The following PTPRF variants were observed in gnomAD, a reference collection of about 807,000 sequenced individuals.
PTPRF encodes the protein receptor-type tyrosine-protein phosphatase F.
A neutral mutation model predicts 201.8 loss-of-function variants in PTPRF; 59 were observed. That is an observed-to-expected ratio of 0.29 (90% CI 0.24 to 0.36). The LOEUF (loss-of-function observed/expected upper bound fraction) is 0.36, where lower values mean the gene tolerates loss of function less well. Ranked by LOEUF, PTPRF falls within the 10% of genes least tolerant of loss-of-function variation. The pLI is 1.00. For missense variants in PTPRF, 2,132 were observed against 2,690.5 expected, an observed-to-expected ratio of 0.79 and a Z score of 4.59; for synonymous variants, 1,088 against 1,089.7, an observed-to-expected ratio of 1.00 and a Z score of 0.03.
chr1:43,576,572 G>T (rs935141820), intron 6 of PTPRF, among the ~76,000 whole-genome samples: 2 of 152,240 alleles, frequency 1.3e-5, no homozygotes, highest in Non-Finnish European at 2.9e-5. Context: ...TGCAGCCTAA[G>T]AGTTAAAAGC....
Position 43,591,968 on chromosome 1 carries a change from G to C in PTPRF, c.1668+20G>C. 1 of 1,612,224 alleles carries C rather than the reference G, an allele frequency of 6.2e-7. No homozygotes were observed. The highest frequency in any genetic ancestry group is 8.5e-7 in the Non-Finnish European group (1 of 1,178,874). ...CAACAGGTGTGCAGCGGGCAGAGAAGCACTGAGGGGGTCTCCTGGTCCCTG... is the reference window on the plus strand; with the variant it reads ...CAACAGGTGTGCAGCGGGCAGAGAACCACTGAGGGGGTCTCCTGGTCCCTG... On this transcript the variant is annotated intron_variant, in intron 10 of 33. Coordinates refer to ENST00000359947, the MANE Select transcript of PTPRF (RefSeq NM_002840.5).
At chr1:43,598,188 T>G in intron 12 of PTPRF, 135 bp downstream of exon 12, 1 of 940,140 alleles carries the variant, frequency 1.1e-6, no homozygotes, top group South Asian at 2.3e-5. Context: ...TGGCCTAAAG[T>G]GGGGGGATGT....
At chr1:43,594,688 G>A (rs1651811760) in intron 11 of PTPRF, among the ~76,000 whole-genome samples, 1 of 151,988 alleles carries the variant, frequency 6.6e-6, no homozygotes. Flanking sequence ...GGAGGGAAGT[G>A]GAGGTGAATC....
upstream of PTPRF, among the ~76,000 whole-genome samples, chr1:43,529,006 T>C (rs762358810): frequency 2.4e-4 from 37 of 152,100 alleles, no homozygotes; most frequent in South Asian, 4.2e-4. Context: ...GGTGGGCCAA[T>C]GAAGCCAAGG....
At position 43,622,082 on chromosome 1, in the gene PTPRF, C is replaced by A. The variant is rs890961261; in HGVS notation, c.*79C>A. On this transcript the variant is annotated 3_prime_UTR_variant, in exon 34 of 34. Coordinates refer to ENST00000359947, the MANE Select transcript of PTPRF (RefSeq NM_002840.5). ...AGCTCCTCTGAGCCATACCGACCAT[C>A]GTCCAGCCCTCCTACGCAGATGCTG... 1.4e-6 allele frequency: 2 copies of A among 1,456,750 alleles called. No homozygotes were observed. The highest frequency in any genetic ancestry group is 1.9e-6 in the Non-Finnish European group (2 of 1,041,196). 90.2% of individuals were successfully genotyped at this position (1,456,750 alleles called of 1,614,324 possible). A position where few individuals can be genotyped will look rare whatever the true frequency, so the allele number is the denominator to read the frequency against.
At chr1:43,558,701 G>A (rs1028974872) in intron 5 of PTPRF, among the ~76,000 whole-genome samples, 8 of 152,188 alleles carry the variant, frequency 5.3e-5, no homozygotes, top group Non-Finnish European at 1.0e-4. Flanking sequence ...CAACCCGCCC[G>A]CTGCCGCCAC....
chr1:43,555,776 T>A (rs893293031), intron 5 of PTPRF, among the ~76,000 whole-genome samples: 9 of 152,214 alleles, frequency 5.9e-5, no homozygotes, highest in Non-Finnish European at 1.3e-4. Flanking sequence ...ATGGGTAAGC[T>A]GTCACATGCA....
At chr1:43,532,296 T>C (rs1643645353) in intron 1 of PTPRF, among the ~76,000 whole-genome samples, 2 of 152,108 alleles carry the variant, frequency 1.3e-5, no homozygotes, top group Admixed American at 1.3e-4. Context: ...GGCCCCTGAG[T>C]TGGAGCAGGT....
At position 43,621,983 on chromosome 1, in the gene PTPRF, T is replaced by G; in HGVS notation, c.5704T>G (p.Phe1902Val). The G allele has an allele frequency of 6.2e-7, 1 of 1,614,130 alleles. No individual in the cohort carries two copies. The highest frequency in any genetic ancestry group is 1.1e-5 in the South Asian group (1 of 91,076). The change falls in exon 34 of 34, where the codon TTT becomes GTT. Residue 1902 changes from phenylalanine (F) to valine (V), a missense_variant. Around this residue, in one of 6 missense-constraint regions of PTPRF, gnomAD observed 519 missense variants for 659.5 expected, o/e 0.79. Coordinates refer to ENST00000359947, the MANE Select transcript of PTPRF (RefSeq NM_002840.5). ...YRAALEYLGS[F>V]DHYAT The stretch of plus-strand genomic sequence containing the variant: ...TGCGGCCCTGGAGTACCTCGGCAGC[T>G]TTGACCACTATGCAACGTAACTACC...
chr1:43,568,553 G>T (rs1294258704), intron 5 of PTPRF, among the ~76,000 whole-genome samples: 1 of 152,190 alleles, frequency 6.6e-6, no homozygotes, highest in Non-Finnish European at 1.5e-5. Flanking sequence ...TGAACCCTGT[G>T]TACAGATAAA....
chr1:43,605,421 G>A lies in PTPRF; in HGVS notation c.3367G>A (p.Val1123Met), dbSNP rs1052346675. The A allele has an allele frequency of 8.7e-6, 14 of 1,610,280 alleles. No individual in the cohort carries two copies. In the African/African-American group the frequency reaches 1.1e-4, roughly 12 times the overall value. The change falls in exon 18 of 34, where the codon GTG becomes ATG. Residue 1123 changes from valine (V) to methionine (M), a missense_variant. Val to Met is a conservative substitution (Grantham distance 21). This residue lies in a region of PTPRF where 818 missense variants were observed against 915.3 expected (regional missense o/e 0.89). Transcript: ENST00000359947. ...DGRFDLSMPH[V>M]QDPSLVRWFY... is the part of the protein sequence containing the mutation. ...CCGCTTCGATCTCTCCATGCCCCAT[G>A]TGCAAGACCCCTCGCTTGTCAGGTG...
At chr1:43,575,428 A>G (rs2153993255) in intron 6 of PTPRF, among the ~76,000 whole-genome samples, 1 of 152,190 alleles carries the variant, frequency 6.6e-6, no homozygotes, top group Non-Finnish European at 1.5e-5. Context: ...TGGGAGGCCC[A>G]GTGTGCTAGT....
Position 43,619,481 on chromosome 1 carries a change from G to A in PTPRF, c.4840G>A (p.Glu1614Lys). 1.2e-6 allele frequency: 2 copies of A among 1,614,054 alleles called. No individual in the cohort carries two copies. Among genetic ancestry groups the A allele is most frequent in the African/African-American group, 1.3e-5 (1 of 75,070 alleles). The change falls in exon 28 of 34, where the codon GAG becomes AAG. Residue 1614 changes from glutamate (E) to lysine (K), a missense_variant. This residue lies in a region of PTPRF where 519 missense variants were observed against 659.5 expected (regional missense o/e 0.79). Coordinates refer to ENST00000359947, the MANE Select transcript of PTPRF (RefSeq NM_002840.5). ...LLEAATCGHTEVPARNLYAHI... is the reference protein window; with the variant it reads ...LLEAATCGHTKVPARNLYAHI... ...GGAGGCTGCCACGTGCGGCCACACA[G>A]AGGTGCCTGCCCGCAACCTGTATGC...
At chr1:43,593,109 G>A (rs1184070668) in intron 11 of PTPRF, among the ~76,000 whole-genome samples, 3 of 152,254 alleles carry the variant, frequency 2.0e-5, no homozygotes, top group Non-Finnish European at 2.9e-5. Flanking sequence ...ACAGGTCTGA[G>A]AATGCGGCCA....
intron 5 of PTPRF, among the ~76,000 whole-genome samples, chr1:43,562,978 G>A (rs1032240999): frequency 6.6e-6 from 1 of 151,500 alleles, no homozygotes; most frequent in Non-Finnish European, 1.5e-5. Flanking sequence ...GGGAGTTCGA[G>A]ACCAGCCTGG....
chr1:43,619,888 C>T (rs926063368), intron 29 of PTPRF, 30 bp downstream of exon 29: 3 of 1,609,196 alleles, frequency 1.9e-6, no homozygotes, highest in Admixed American at 1.7e-5. Flanking sequence ...CCCCACCATG[C>T]CCTACAGGGG....
At chr1:43,555,199 T>C (rs1432317544) in intron 5 of PTPRF, among the ~76,000 whole-genome samples, 1 of 152,098 alleles carries the variant, frequency 6.6e-6, no homozygotes, top group African/African-American at 2.4e-5. Context: ...CCTGTTCCTT[T>C]TTGAAAAATT....
At chr1:43,606,582 C>A in intron 20 of PTPRF, 124 bp downstream of exon 20, 1 of 1,136,416 alleles carries the variant, frequency 8.8e-7, no homozygotes, top group Non-Finnish European at 1.2e-6. Context: ...GATCCTGGGG[C>A]AGCACTAAAG....
chr1:43,615,284 C>G (rs957645418), intron 23 of PTPRF, among the ~76,000 whole-genome samples: 1 of 152,196 alleles, frequency 6.6e-6, no homozygotes, highest in East Asian at 1.9e-4. Context: ...GGTCACGGAG[C>G]CCGTAAGGTG....
Sources: allele counts gnomAD v4.1 joint callset (sites outside exome capture counted in the v4.1 genomes callset), GRCh38; gene constraint gnomAD v4.1.1; regional missense constraint gnomAD v4.1.1; transcripts MANE v1.5; gene names NCBI Gene and HGNC (gene_info 2026-07-23, HGNC 2026-07-21).